FZD3: variants seen among roughly 807,000 people sequenced by gnomAD.
FZD3 encodes frizzled-3.
FZD3 carries 30 observed loss-of-function variants against 60.7 expected under a neutral mutation model. The ratio of observed to expected loss-of-function variants is 0.49; its 90% CI spans 0.37 to 0.67. The LOEUF (loss-of-function observed/expected upper bound fraction) is 0.67, where lower values mean the gene tolerates loss of function less well. Ranked by LOEUF, FZD3 falls within the 30% of genes least tolerant of loss-of-function variation. The probability of loss-of-function intolerance (pLI) is 0.00; values close to 1 mark genes in which losing one functional copy is unlikely to be tolerated. For missense variants in FZD3, 605 were observed against 838.7 expected (o/e 0.72, Z 3.44); for synonymous variants, 246 against 275.2 (o/e 0.89, Z 1.05).
rs756418692 is a variant in FZD3, at chr8:28,533,192, A to G, written c.1404+5028A>G. On this transcript the variant is annotated intron_variant, in intron 5 of 7. Coordinates refer to ENST00000240093, the MANE Select transcript of FZD3 (RefSeq NM_017412.4). ...TTTTCCCCCCATGATCAATCTTGTT[A>G]AAGGATTTTTCTTTTTTTTTTCTTT... Among the ~76,000 whole-genome samples, 3 of 151,950 alleles carry G rather than the reference A, an allele frequency of 2.0e-5. No homozygotes were observed. The East Asian group carries it at 5.8e-4, about 29-fold the overall frequency.
In FZD3 at chr8:28,566,403, C is replaced by G. The variant is rs1805706735; in HGVS notation, c.*3392C>G. On this transcript the variant is annotated 3_prime_UTR_variant, in exon 8 of 8. Transcript: ENST00000240093. Reference sequence around the variant, plus strand: ...TAATTAGACTCCTTTTAGTCTTATGCTGTTAGATCTTTGTGGACCAGCTGA... The same window carrying G: ...TAATTAGACTCCTTTTAGTCTTATGGTGTTAGATCTTTGTGGACCAGCTGA... 1.3e-5 allele frequency: 2 copies of G among 152,092 alleles called. No individual in the cohort carries two copies. The highest frequency in any genetic ancestry group is 1.3e-4 in the Admixed American group (2 of 15,276). 9.4% of individuals were successfully genotyped at this position (152,092 alleles called of 1,614,324 possible). A position where few individuals can be genotyped will look rare whatever the true frequency, so the allele number is the denominator to read the frequency against.
At chr8:28,540,924 C>T (rs182173442) in intron 5 of FZD3, among the ~76,000 whole-genome samples, 27 of 152,194 alleles carry the variant, frequency 1.8e-4, no homozygotes, top group Admixed American at 7.2e-4. Flanking sequence ...CCAGCCTGGG[C>T]GACAGAGTGA....
At chr8:28,501,945 A>G (rs1289369853) in intron 2 of FZD3, among the ~76,000 whole-genome samples, 1 of 152,234 alleles carries the variant, frequency 6.6e-6, no homozygotes, top group Non-Finnish European at 1.5e-5. Context: ...AACCTTCTAT[A>G]TGTCAGTTCA....
intron 5 of FZD3, among the ~76,000 whole-genome samples, chr8:28,543,569 C>T (rs1047921443): frequency 3.3e-5 from 5 of 151,966 alleles, no homozygotes; most frequent in Admixed American, 1.3e-4. Flanking sequence ...TTGGTAGAGA[C>T]GGTGTTTCGC....
chr8:28,527,782 C>A lies in FZD3; in HGVS notation c.1022C>A (p.Thr341Asn). The change falls in exon 5 of 8, where the codon ACT (threonine) becomes AAT (asparagine). Residue 341 changes from threonine (T) to asparagine (N), a missense_variant. Coordinates refer to ENST00000240093, the MANE Select transcript of FZD3 (RefSeq NM_017412.4). The surrounding 1 kb of genome is among the most constrained non-coding windows in gnomAD (Gnocchi z 5.0). ...FHASAWGIPGTLTIILLAMNK... is the reference protein window; with the variant it reads ...FHASAWGIPGNLTIILLAMNK... ...GCCAGTGCATGGGGCATCCCCGGAA[C>A]TCTAACCATCATCCTTTTAGCGATG... 3.7e-6 allele frequency: 6 copies of A among 1,614,162 alleles called. No homozygotes were observed. The highest frequency in any genetic ancestry group is 5.1e-6 in the Non-Finnish European group (6 of 1,180,014).
intron 3 of FZD3, among the ~76,000 whole-genome samples, chr8:28,513,125 G>T (rs1804331806): frequency 6.6e-6 from 1 of 152,094 alleles, no homozygotes; most frequent in Admixed American, 6.6e-5. Context: ...GTAGATAATT[G>T]CATTTAGTCA....
intron 2 of FZD3, among the ~76,000 whole-genome samples, chr8:28,501,156 A>G (rs1050228739): frequency 1.3e-5 from 2 of 152,222 alleles, no homozygotes; most frequent in African/African-American, 4.8e-5. Flanking sequence ...GATGTAGAAC[A>G]TGAGGCGCTT....
At chr8:28,516,505 A>G (rs915148274) in intron 3 of FZD3, among the ~76,000 whole-genome samples, 25 of 152,154 alleles carry the variant, frequency 1.6e-4, no homozygotes, top group Admixed American at 3.9e-4. Flanking sequence ...TGCCATCTGA[A>G]CAACATTATC....
At chr8:28,512,584 T>G (rs894200690) in intron 3 of FZD3, among the ~76,000 whole-genome samples, 2 of 152,126 alleles carry the variant, frequency 1.3e-5, no homozygotes, top group South Asian at 2.1e-4. Flanking sequence ...GTAAAACTAG[T>G]AAAGAAATTT....
At chr8:28,555,180 A>C (rs1805486309) in intron 6 of FZD3, among the ~76,000 whole-genome samples, 1 of 152,116 alleles carries the variant, frequency 6.6e-6, no homozygotes, top group South Asian at 2.1e-4. Flanking sequence ...TGTTTATTCC[A>C]GCACTAGACA....
At chr8:28,532,813 T>A (rs1314114006) in intron 5 of FZD3, among the ~76,000 whole-genome samples, 1 of 152,186 alleles carries the variant, frequency 6.6e-6, no homozygotes, top group African/African-American at 2.4e-5. Context: ...CTAGAAATCA[T>A]GTTGTTTGCA....
chr8:28,529,508 A>G (rs1804807288), intron 5 of FZD3, among the ~76,000 whole-genome samples: 3 of 152,130 alleles, frequency 2.0e-5, no homozygotes, highest in African/African-American at 7.2e-5. Flanking sequence ...TATTGTGGGT[A>G]TATTGCTTGA....
At chr8:28,558,442 T>A (rs544771260) in intron 7 of FZD3, among the ~76,000 whole-genome samples, 3,250 of 152,044 alleles carry the variant, frequency 0.021, 109 homozygotes, top group African/African-American at 0.074. Context: ...ATTTATTTTT[T>A]TTTTTTGAGG....
At chr8:28,533,859 A>T (rs1353818941) in intron 5 of FZD3, among the ~76,000 whole-genome samples, 1 of 152,046 alleles carries the variant, frequency 6.6e-6, no homozygotes, top group Non-Finnish European at 1.5e-5. Flanking sequence ...CTAAAGTTTT[A>T]TTCTATATGT....
At chr8:28,543,660 C>G (rs1019298394) in intron 5 of FZD3, among the ~76,000 whole-genome samples, 21 of 151,592 alleles carry the variant, frequency 1.4e-4, no homozygotes, top group Middle Eastern at 6.9e-3. Context: ...GGATTACAGG[C>G]ATGAGTCACC....
chr8:28,526,724 A>G (rs1375342734), intron 4 of FZD3, among the ~76,000 whole-genome samples: 2 of 152,222 alleles, frequency 1.3e-5, no homozygotes, highest in Non-Finnish European at 2.9e-5. Context: ...AAAGTTATGT[A>G]TGTGTTTGGC....
At position 28,561,125 on chromosome 8, in the gene FZD3, C is replaced by T. The variant is rs369243843; in HGVS notation, c.1788-1673C>T. On this transcript the variant is annotated intron_variant, in intron 7 of 7. Coordinates refer to ENST00000240093, the MANE Select transcript of FZD3 (RefSeq NM_017412.4). ...AGGCTGGAGTGCAATGGCACGATCT[C>T]GGCTCACTGCAACCTCCGCCTCCGA... Among the ~76,000 whole-genome samples the T allele has an allele frequency of 1.2e-4, 19 of 152,276 alleles. 1 individual carries two copies. In the East Asian group the frequency reaches 1.9e-3, roughly 15 times the overall value.
intron 7 of FZD3, among the ~76,000 whole-genome samples, chr8:28,556,607 G>A (rs758388805): frequency 3.3e-5 from 5 of 151,352 alleles, no homozygotes; most frequent in Admixed American, 1.3e-4. Context: ...AACGTTTTCC[G>A]TGAAGAGCCA....
At chr8:28,531,940 G>A (rs1804886427) in intron 5 of FZD3, among the ~76,000 whole-genome samples, 1 of 152,154 alleles carries the variant, frequency 6.6e-6, no homozygotes, top group South Asian at 2.1e-4. Flanking sequence ...TCATTAAAAT[G>A]GCCTGCTGTA....
Sources: gnomAD v4.1 joint callset for allele counts (sites outside exome capture counted in the v4.1 genomes callset) on GRCh38, gnomAD v4.1.1 for gene constraint, Gnocchi (gnomAD v3.1) non-coding constraint, MANE v1.5 for transcripts, NCBI Gene and HGNC (gene_info 2026-07-23, HGNC 2026-07-21) for gene names.